Variants in C12orf42 observed in about 807,000 individuals in gnomAD.
C12orf42 encodes uncharacterized protein C12orf42.
A neutral mutation model predicts 21.6 loss-of-function variants in C12orf42; 25 were observed. The observed-to-expected ratio is 1.16, with a 90% CI of 0.84 to 1.62. C12orf42 has a LOEUF of 1.62. C12orf42 is among the 40% of genes most tolerant of loss of function. The pLI, the probability that C12orf42 is intolerant of heterozygous loss-of-function variation, is 0.00. For missense variants in C12orf42, 483 were observed against 459.3 expected (o/e 1.05, Z -0.47); for synonymous variants, 174 against 175.0 (o/e 0.99, Z 0.05).
the C12orf42 span, among the ~76,000 whole-genome samples, chr12:103,511,725 T>G: frequency 6.6e-6 from 1 of 152,224 alleles, no homozygotes; most frequent in Non-Finnish European, 1.5e-5. Context: ...CCAAGTTGAC[T>G]AATAATAGCA....
chr12:103,424,598 G>C (rs541578789), intron 2 of C12orf42, among the ~76,000 whole-genome samples: 1 of 152,290 alleles, frequency 6.6e-6, no homozygotes, highest in African/African-American at 2.4e-5. Context: ...CCTAGCCAAA[G>C]GAAGTTGTGA....
the C12orf42 span, among the ~76,000 whole-genome samples, chr12:103,058,821 G>A: frequency 9.9e-5 from 15 of 152,054 alleles, 1 homozygote; most frequent in Admixed American, 3.3e-4. Context: ...TCTTGGACAC[G>A]GCTAAAGCAG....
At chr12:103,245,289 T>C (rs1489137324) in intron 10 of C12orf42, among the ~76,000 whole-genome samples, 2 of 152,096 alleles carry the variant, frequency 1.3e-5, no homozygotes, top group Non-Finnish European at 2.9e-5. Context: ...GGCAAGATTA[T>C]TAAGCTCTCT....
At chr12:103,555,237 G>A in the C12orf42 span, among the ~76,000 whole-genome samples, 6 of 152,142 alleles carry the variant, frequency 3.9e-5, no homozygotes, top group South Asian at 2.1e-4. Flanking sequence ...ACAGTTTCAC[G>A]TGGCTGGGGA....
the C12orf42 span, among the ~76,000 whole-genome samples, chr12:103,158,416 G>T: frequency 2.0e-5 from 3 of 152,036 alleles, no homozygotes; most frequent in Non-Finnish European, 4.4e-5. Flanking sequence ...GAACACATTC[G>T]CTTCCATTTC....
At chr12:103,401,708 C>T in intron 2 of C12orf42, 33 bp from the exon 3 acceptor site, 1 of 1,576,298 alleles carries the variant, frequency 6.3e-7, no homozygotes, top group Non-Finnish European at 8.7e-7. Flanking sequence ...TTTAGTATCA[C>T]TTCAATAATT....
At chr12:103,414,687 A>G (rs1112754) in intron 2 of C12orf42, among the ~76,000 whole-genome samples, 127,369 of 151,834 alleles carry the variant, frequency 0.84, 53,447 homozygotes, top group Admixed American at 0.89. Flanking sequence ...TTGATTTCAC[A>G]CTCATCCTAG....
chr12:103,209,054 G>A, the C12orf42 span, among the ~76,000 whole-genome samples: 2 of 152,092 alleles, frequency 1.3e-5, no homozygotes, highest in Admixed American at 1.3e-4. Context: ...TTTGGTAAAA[G>A]CACAGTAGAA....
the C12orf42 span, among the ~76,000 whole-genome samples, chr12:103,563,100 A>C: frequency 6.6e-6 from 1 of 152,164 alleles, no homozygotes; most frequent in African/African-American, 2.4e-5. Context: ...TAGTGTACCA[A>C]GTTTGTGCTA....
upstream of C12orf42, among the ~76,000 whole-genome samples, chr12:103,497,348 T>G (rs1163325458): frequency 6.6e-6 from 1 of 152,232 alleles, no homozygotes; most frequent in East Asian, 1.9e-4. Flanking sequence ...CCCTTCAATC[T>G]ACAAGGTACT....
chr12:103,328,062 G>A (rs949612919), intron 4 of C12orf42, among the ~76,000 whole-genome samples: 6 of 152,110 alleles, frequency 3.9e-5, no homozygotes, highest in Admixed American at 6.5e-5. Flanking sequence ...TTTTTTTCAG[G>A]TTGGCCTAAT....
Position 103,424,531 on chromosome 12 carries a change from A to C in C12orf42, c.79-22856T>G, listed in dbSNP as rs118061898. Reference sequence around the variant, plus strand: ...GGTGCAGCCCACAGAGGGCGAGTGGAAGCAGGGCAGGGCAACACCTCACCC... The same window carrying C: ...GGTGCAGCCCACAGAGGGCGAGTGGCAGCAGGGCAGGGCAACACCTCACCC... On this transcript the variant is annotated intron_variant, in intron 2 of 5. Transcript: ENST00000548883. Among the ~76,000 whole-genome samples, 1,516 of 152,308 alleles carry C rather than the reference A, an allele frequency of 1.0e-2. 130 individuals carry two copies. In the East Asian group the frequency reaches 0.2, roughly 20 times the overall value.
At chr12:103,292,332 A>G (rs1395814138) in intron 4 of C12orf42, among the ~76,000 whole-genome samples, 3 of 152,304 alleles carry the variant, frequency 2.0e-5, no homozygotes, top group African/African-American at 4.8e-5. Context: ...ACCTGTGAAT[A>G]TATGAAAAAC....
At chr12:103,562,345 T>C in the C12orf42 span, among the ~76,000 whole-genome samples, 1,473 of 152,326 alleles carry the variant, frequency 9.7e-3, 13 homozygotes, top group African/African-American at 0.024. Context: ...GGAATAACTC[T>C]GATCAATTGA....
chr12:103,154,689 C>A, the C12orf42 span, among the ~76,000 whole-genome samples: 41,474 of 151,482 alleles, frequency 0.27, 6,310 homozygotes, highest in East Asian at 0.45. Flanking sequence ...TATATTTTGC[C>A]GATTTTCTAT....
intron 1 of C12orf42, 42 bp from the exon 2 acceptor site, chr12:103,478,489 A>T (rs1428295496): frequency 6.3e-6 from 6 of 950,978 alleles, no homozygotes; most frequent in Non-Finnish European, 9.3e-6. Context: ...GTTTACAATG[A>T]TGCAATGATA....
intron 3 of C12orf42, among the ~76,000 whole-genome samples, chr12:103,381,940 T>C (rs2046218618): frequency 9.0e-6 from 1 of 111,460 alleles, no homozygotes; most frequent in Admixed American, 1.1e-4. Flanking sequence ...ATTTGCTTTC[T>C]CTTTCTCTGC....
At chr12:103,452,970 A>G (rs2137520527) in intron 2 of C12orf42, among the ~76,000 whole-genome samples, 1 of 152,154 alleles carries the variant, frequency 6.6e-6, no homozygotes, top group South Asian at 2.1e-4. Flanking sequence ...GCACATGTAT[A>G]CATATGTAAC....
chr12:103,103,553 A>AT, the C12orf42 span, among the ~76,000 whole-genome samples: 1 of 152,174 alleles, frequency 6.6e-6, no homozygotes, highest in African/African-American at 2.4e-5. Flanking sequence ...TATCTGTTAG[A>AT]TTTTTTAATT....
Sources: allele counts gnomAD v4.1 joint callset (sites outside exome capture counted in the v4.1 genomes callset), GRCh38; gene constraint gnomAD v4.1.1; transcripts MANE v1.5; gene names NCBI Gene and HGNC (gene_info 2026-07-23, HGNC 2026-07-21).